The following DOCK2 variants were observed in gnomAD, a reference collection of about 807,000 sequenced individuals.
DOCK2 encodes dedicator of cytokinesis protein 2.
Under a neutral mutation model 248.9 loss-of-function variants are expected in DOCK2, and 87 were observed. That is an observed-to-expected ratio of 0.35 (90% CI 0.29 to 0.42). The LOEUF (loss-of-function observed/expected upper bound fraction) is 0.42, where lower values mean the gene tolerates loss of function less well. Ranked by LOEUF, DOCK2 falls within the 10% of genes least tolerant of loss-of-function variation. The probability of loss-of-function intolerance (pLI) is 1.00; values close to 1 mark genes in which losing one functional copy is unlikely to be tolerated. For synonymous variants in DOCK2, 805 were observed against 821.6 expected (o/e 0.98, Z 0.35); for missense variants, 1,747 against 2,300.2 (o/e 0.76, Z 4.92).
chr5:169,817,313 T>C (rs896036428), intron 26 of DOCK2, among the ~76,000 whole-genome samples: 2 of 152,250 alleles, frequency 1.3e-5, no homozygotes, highest in African/African-American at 2.4e-5. Flanking sequence ...CTAACACTTT[T>C]TGTTATTTCT....
At position 169,956,039 on chromosome 5, in the gene DOCK2, G is replaced by GA. The variant is rs577395351; in HGVS notation, c.2800-27015dup. 8.1e-3 allele frequency among the ~76,000 whole-genome samples: 1,076 copies of GA among 132,674 alleles called. 9 individuals carry two copies. The highest frequency in any genetic ancestry group is 0.022 in the East Asian group (103 of 4,626). The allele number at this position is 132,674 out of a possible 152,430, so 87.0% of individuals were successfully genotyped here. A position where few individuals can be genotyped will look rare whatever the true frequency, so the allele number is the denominator to read the frequency against. On this transcript the variant is annotated intron_variant, in intron 27 of 51. Coordinates refer to ENST00000520908, the MANE Select transcript of DOCK2 (RefSeq NM_004946.3). ...TCAAATGTGGGGGAGACATAGATTT[G>GA]AAAAAAAAAAAAAAGAGCCCAGGCT...
chr5:169,817,060 A>G (rs1213174302), intron 26 of DOCK2, among the ~76,000 whole-genome samples: 2 of 152,116 alleles, frequency 1.3e-5, no homozygotes, highest in Non-Finnish European at 2.9e-5. Flanking sequence ...CTTTTATATT[A>G]TCCATCCTGC....
chr5:169,883,660 G>A lies in DOCK2; in HGVS notation c.2799+42808G>A, dbSNP rs534161129. ...CTTCTGGGACCTGGGGAAGGAGAGC[G>A]AGTAGGTGGGGGGAAGATGGTGCCT... On this transcript the variant is annotated intron_variant, in intron 27 of 51. Coordinates refer to ENST00000520908, the MANE Select transcript of DOCK2 (RefSeq NM_004946.3). 60 of 1,551,074 alleles carry A rather than the reference G, an allele frequency of 3.9e-5. No individual in the cohort carries two copies. The South Asian group carries it at 4.4e-4, about 11-fold the overall frequency.
At chr5:170,008,010 A>G (rs187745336) in intron 30 of DOCK2, among the ~76,000 whole-genome samples, 30 of 152,258 alleles carry the variant, frequency 2.0e-4, no homozygotes, top group Admixed American at 9.8e-4. Context: ...TTAAGACAGA[A>G]TGGATTGCAG....
chr5:169,779,979 T>C (rs1200275633), intron 25 of DOCK2, among the ~76,000 whole-genome samples: 1 of 152,192 alleles, frequency 6.6e-6, no homozygotes, highest in East Asian at 1.9e-4. Flanking sequence ...ACCAGTTTTC[T>C]TTCTGGGTCA....
At chr5:169,676,420 C>T (rs1759340208) in intron 6 of DOCK2, among the ~76,000 whole-genome samples, 1 of 152,214 alleles carries the variant, frequency 6.6e-6, no homozygotes, top group East Asian at 1.9e-4. Context: ...CCCTCCTCTG[C>T]AGCATCCTCT....
At position 169,808,910 on chromosome 5, in the gene DOCK2, T is replaced by A. The variant is rs181702354; in HGVS notation, c.2703+5704T>A. On this transcript the variant is annotated intron_variant, in intron 26 of 51. Transcript: ENST00000520908. ...AGGAATTCTCAGAATCATCTTTTTT[T>A]AAAAAAGTATTTGAGTCTATTGGCT... Among the ~76,000 whole-genome samples, 31 of 152,216 alleles carry A rather than the reference T, an allele frequency of 2.0e-4. 1 individual carries two copies. Among genetic ancestry groups the A allele is most frequent in the African/African-American group, 1.9e-4 (8 of 41,514 alleles).
chr5:170,072,168 A>G (rs902069737), intron 46 of DOCK2, among the ~76,000 whole-genome samples: 2 of 152,180 alleles, frequency 1.3e-5, no homozygotes, highest in Non-Finnish European at 2.9e-5. Flanking sequence ...TGGTCATAGC[A>G]TGTGAGGATA....
chr5:169,861,790 A>AT lies in DOCK2; in HGVS notation c.2799+20943dup, dbSNP rs111527139. Among the ~76,000 whole-genome samples the AT allele has an allele frequency of 3.3e-4, 50 of 152,254 alleles. 1 individual carries two copies. Among genetic ancestry groups the AT allele is most frequent in the African/African-American group, 1.2e-3 (48 of 41,558 alleles). ...TTCCTCATAATGATTTTAAATATCA[A>AT]TTTTTCAGAAGAGAACTCCTTCCCA... On this transcript the variant is annotated intron_variant, in intron 27 of 51. Coordinates refer to ENST00000520908, the MANE Select transcript of DOCK2 (RefSeq NM_004946.3).
At chr5:169,699,704 G>A (rs1458131094) in intron 12 of DOCK2, among the ~76,000 whole-genome samples, 7 of 152,222 alleles carry the variant, frequency 4.6e-5, no homozygotes, top group South Asian at 2.1e-4. Context: ...TGTTCCGGGG[G>A]CACTTTAATA....
chr5:169,754,917 T>TTAA (rs1561665554), intron 23 of DOCK2, among the ~76,000 whole-genome samples: 2 of 143,012 alleles, frequency 1.4e-5, no homozygotes, highest in East Asian at 4.0e-4. Flanking sequence ...GTTCCTATTT[T>TTAA]TTATTATTTA....
At position 169,790,763 on chromosome 5, in the gene DOCK2, T is replaced by G. The variant is rs375664977; in HGVS notation, c.2555-12295T>G. ...TGTATCATGTTTTACTTTGATCTTC[T>G]TATGAAAGAGTCATTCTCATCTCCA... On this transcript the variant is annotated intron_variant, in intron 25 of 51. Coordinates refer to ENST00000520908, the MANE Select transcript of DOCK2 (RefSeq NM_004946.3). Among the ~76,000 whole-genome samples the G allele has an allele frequency of 2.4e-4, 36 of 152,358 alleles. No homozygotes were observed. The East Asian group carries it at 6.8e-3, about 29-fold the overall frequency.
chr5:169,720,493 T>G (rs545999356), intron 22 of DOCK2, among the ~76,000 whole-genome samples: 94 of 152,074 alleles, frequency 6.2e-4, no homozygotes, highest in African/African-American at 2.0e-3. Flanking sequence ...ATTTTTTCCT[T>G]CCATTTTCAA....
intron 27 of DOCK2, among the ~76,000 whole-genome samples, chr5:169,855,497 G>C (rs1770837087): frequency 6.6e-6 from 1 of 152,126 alleles, no homozygotes; most frequent in African/African-American, 2.4e-5. Flanking sequence ...TTATTTGTAG[G>C]GGAAGGAATT....
At chr5:169,814,596 A>G (rs1319865998) in intron 26 of DOCK2, among the ~76,000 whole-genome samples, 3 of 152,238 alleles carry the variant, frequency 2.0e-5, no homozygotes, top group Admixed American at 2.0e-4. Flanking sequence ...GTAAGAGGTT[A>G]ACATTAACCA....
intron 25 of DOCK2, among the ~76,000 whole-genome samples, chr5:169,796,412 T>G (rs1330045703): frequency 6.6e-6 from 1 of 152,180 alleles, no homozygotes; most frequent in Non-Finnish European, 1.5e-5. Context: ...GGAAATTGCA[T>G]TATATCAAAA....
chr5:169,987,882 A>T (rs1291189005), intron 29 of DOCK2, among the ~76,000 whole-genome samples: 1 of 152,178 alleles, frequency 6.6e-6, no homozygotes, highest in Non-Finnish European at 1.5e-5. Context: ...CAGACTCTTT[A>T]ATTCTGCCAC....
chr5:169,883,383 T>C, intron 27 of DOCK2: 1 of 1,551,632 alleles, frequency 6.4e-7, no homozygotes, highest in South Asian at 1.2e-5. Context: ...TGGGGACCCT[T>C]GGGAGGAATG....
At chr5:169,921,795 C>T (rs1775189084) in intron 27 of DOCK2, among the ~76,000 whole-genome samples, 2 of 152,194 alleles carry the variant, frequency 1.3e-5, no homozygotes, top group East Asian at 1.9e-4. Flanking sequence ...TTGTGACAGT[C>T]TTCTCCCAGA....
Sources: gnomAD v4.1 joint callset for allele counts (sites outside exome capture counted in the v4.1 genomes callset) on GRCh38, gnomAD v4.1.1 for gene constraint, MANE v1.5 for transcripts, NCBI Gene and HGNC (gene_info 2026-07-23, HGNC 2026-07-21) for gene names.